The following LARGE1 variants were observed in gnomAD, a reference collection of about 807,000 sequenced individuals.
LARGE1 encodes the protein LARGE xylosyl- and glucuronyltransferase 1, also known as xylosyl- and glucuronyltransferase LARGE1.
LARGE1 carries 43 observed loss-of-function variants against 87.6 expected under a neutral mutation model. The ratio of observed to expected loss-of-function variants is 0.49; its 90% CI spans 0.38 to 0.63. The LOEUF (loss-of-function observed/expected upper bound fraction) is 0.63, where lower values mean the gene tolerates loss of function less well. LARGE1 is among the 30% of genes least tolerant of loss of function. The probability of loss-of-function intolerance (pLI) is 0.00; values close to 1 mark genes in which losing one functional copy is unlikely to be tolerated. For missense variants in LARGE1, 802 were observed against 1,000.2 expected (o/e 0.80, Z 2.67); for synonymous variants, 434 against 394.6 (o/e 1.10, Z -1.18).
At chr22:33,493,851 G>T (rs2069974766) in intron 6 of LARGE1, among the ~76,000 whole-genome samples, 1 of 152,146 alleles carries the variant, frequency 6.6e-6, no homozygotes, top group Non-Finnish European at 1.5e-5. Context: ...ATATCAGTGT[G>T]CCCAGACTCC....
At chr22:33,623,596 G>C (rs370012218) in intron 4 of LARGE1, among the ~76,000 whole-genome samples, 9 of 150,774 alleles carry the variant, frequency 6.0e-5, no homozygotes, top group Admixed American at 2.0e-4. Flanking sequence ...AAGTGGCCCA[G>C]CAGAAGAACC....
At chr22:33,232,831 TAAGTCCTTTAG>T (rs1926075406) in intron 11 of LARGE1, among the ~76,000 whole-genome samples, 2 of 152,130 alleles carry the variant, frequency 1.3e-5, no homozygotes, top group Admixed American at 6.5e-5. Flanking sequence ...TATGGACTCA[TAAGTCCTTTAG>T]AATCTGGAGT....
intron 10 of LARGE1, among the ~76,000 whole-genome samples, chr22:33,324,218 G>C (rs1395896689): frequency 2.3e-5 from 2 of 86,418 alleles, no homozygotes; most frequent in African/African-American, 9.8e-5. Context: ...AACAGACCAA[G>C]ACTCCATCTC....
intron 6 of LARGE1, among the ~76,000 whole-genome samples, chr22:33,540,853 G>A (rs2077171314): frequency 4.6e-5 from 7 of 152,032 alleles, no homozygotes; most frequent in Admixed American, 4.6e-4. Flanking sequence ...AAGTATGGCA[G>A]ACGGGCACAG....
At chr22:33,786,774 C>T (rs1225147702) in intron 1 of LARGE1, among the ~76,000 whole-genome samples, 1 of 152,212 alleles carries the variant, frequency 6.6e-6, no homozygotes, top group African/African-American at 2.4e-5. Context: ...GTAATCCCAG[C>T]ACTTTGGGAG....
intron 11 of LARGE1, among the ~76,000 whole-genome samples, chr22:33,305,188 G>A (rs1216801241): frequency 6.6e-6 from 1 of 152,052 alleles, no homozygotes; most frequent in Non-Finnish European, 1.5e-5. Flanking sequence ...ACTAAAAAAG[G>A]GAATAGAAAA....
intron 10 of LARGE1, among the ~76,000 whole-genome samples, chr22:33,325,301 C>T (rs143092712): frequency 2.6e-5 from 4 of 152,360 alleles, no homozygotes; most frequent in African/African-American, 9.6e-5. Flanking sequence ...TCTCCAGCCT[C>T]CTTGCAGTTA....
intron 5 of LARGE1, among the ~76,000 whole-genome samples, chr22:33,566,568 A>G (rs182422957): frequency 1.3e-5 from 2 of 152,358 alleles, no homozygotes; most frequent in African/African-American, 4.8e-5. Context: ...GCAGACCCAA[A>G]GAGTGAGCAG....
intron 2 of LARGE1, among the ~76,000 whole-genome samples, chr22:33,719,575 T>C (rs1027024401): frequency 2.0e-5 from 3 of 151,810 alleles, no homozygotes; most frequent in East Asian, 1.9e-4. Context: ...GGCTGGAGTG[T>C]AGTGGCACAG....
intron 11 of LARGE1, among the ~76,000 whole-genome samples, chr22:33,208,140 A>G (rs951018689): frequency 5.9e-5 from 9 of 152,112 alleles, no homozygotes; most frequent in African/African-American, 2.2e-4. Context: ...TATCACCAAC[A>G]CGTCTATTTA....
At chr22:33,137,881 A>T in the LARGE1 span, among the ~76,000 whole-genome samples, 54 of 152,258 alleles carry the variant, frequency 3.5e-4, 1 homozygote, top group Non-Finnish European at 6.3e-4. Flanking sequence ...CCCAGGCAGA[A>T]GTTTGCTGTA....
chr22:33,448,870 C>G (rs1437823524), intron 6 of LARGE1, among the ~76,000 whole-genome samples: 1 of 152,208 alleles, frequency 6.6e-6, no homozygotes, highest in Non-Finnish European at 1.5e-5. Flanking sequence ...TTCCAAGGAC[C>G]TGAAGTCTTC....
At position 33,184,088 on chromosome 22, in the gene LARGE1, C is replaced by CTATATA. The variant is rs144013990; in HGVS notation, c.1731-17262_1731-17257dup. On this transcript the variant is annotated intron_variant, in intron 11 of 11. Coordinates refer to the LARGE1 transcript ENST00000608642. ...TAATTTGACTGTGGTAATCAGTACACTATATATATATATATCATATCTTTA... is the reference window on the plus strand; with the variant it reads ...TAATTTGACTGTGGTAATCAGTACACTATATATATATATATATATATCATATCTTTA... 6.6e-4 allele frequency among the ~76,000 whole-genome samples: 70 copies of CTATATA among 105,304 alleles called. 3 individuals are homozygous for CTATATA. Among genetic ancestry groups the CTATATA allele is most frequent in the African/African-American group, 1.2e-3 (35 of 28,812 alleles). 69.1% of individuals were successfully genotyped at this position (105,304 alleles called of 152,430 possible).
intron 6 of LARGE1, among the ~76,000 whole-genome samples, chr22:33,515,150 CA>C (rs2071242233): frequency 6.6e-6 from 1 of 151,008 alleles, no homozygotes; most frequent in African/African-American, 2.4e-5. Flanking sequence ...TAAAAAACAA[CA>C]AAAAAGAATG....
chr22:33,350,271 T>C (rs1940236870), intron 9 of LARGE1, among the ~76,000 whole-genome samples: 1 of 152,180 alleles, frequency 6.6e-6, no homozygotes, highest in Non-Finnish European at 1.5e-5. Context: ...CCTGATGCTG[T>C]CTTGATAGCA....
chr22:33,799,581 C>A (rs1020240506), intron 1 of LARGE1, among the ~76,000 whole-genome samples: 1 of 152,084 alleles, frequency 6.6e-6, no homozygotes, highest in Admixed American at 6.5e-5. Flanking sequence ...GCTGGGATTA[C>A]AGGCATGCAC....
the LARGE1 span, among the ~76,000 whole-genome samples, chr22:33,076,137 A>G: frequency 6.6e-6 from 1 of 152,208 alleles, no homozygotes; most frequent in Non-Finnish European, 1.5e-5. Flanking sequence ...CATGACTTCA[A>G]AAATATTAGG....
intron 1 of LARGE1, among the ~76,000 whole-genome samples, chr22:33,781,428 G>C (rs959209142): frequency 1.3e-5 from 2 of 152,166 alleles, no homozygotes; most frequent in African/African-American, 4.8e-5. Flanking sequence ...CTGAACCTGG[G>C]AGGTGGAGGT....
intron 1 of LARGE1, among the ~76,000 whole-genome samples, chr22:33,772,686 T>C (rs575512117): frequency 2.6e-4 from 40 of 152,282 alleles, no homozygotes; most frequent in Non-Finnish European, 5.0e-4. Context: ...ATTTTCTTCA[T>C]AGTACTCATC....
Sources: allele counts gnomAD v4.1 joint callset (sites outside exome capture counted in the v4.1 genomes callset), GRCh38; gene constraint gnomAD v4.1.1; transcripts MANE v1.5; gene names NCBI Gene and HGNC (gene_info 2026-07-23, HGNC 2026-07-21).